The following TAFA5 variants were observed in gnomAD, a reference collection of about 807,000 sequenced individuals.
TAFA5 encodes the protein TAFA chemokine like family member 5, also known as chemokine-like protein TAFA-5.
A neutral mutation model predicts 15.3 loss-of-function variants in TAFA5; 6 were observed. That is an observed-to-expected ratio of 0.39 (90% CI 0.21 to 0.77). The LOEUF (loss-of-function observed/expected upper bound fraction) is 0.77. Ranked by LOEUF, TAFA5 falls within the 30% of genes least tolerant of loss-of-function variation. The pLI is 0.41. For missense variants in TAFA5, 161 were observed against 193.1 expected (o/e 0.83, Z 0.98); for synonymous variants, 103 against 80.7 (o/e 1.28, Z -1.48).
rs1601834042 is a variant in TAFA5 at position 48,497,439 on chromosome 22, A to C, written c.112+7735A>C. Among the ~76,000 whole-genome samples, 3 of 151,962 alleles carry C rather than the reference A, an allele frequency of 2.0e-5. No homozygotes were observed. The South Asian group carries it at 6.3e-4, about 32-fold the overall frequency. ...GCCTCAGCGCAGCCAAGAAGCTTGA[A>C]AGACAAGACTGGAGTGTCCAGTGGC... On this transcript the variant is annotated intron_variant, in intron 1 of 3. Transcript: ENST00000402357.
chr22:48,493,469 A>G (rs1928224227), intron 1 of TAFA5, among the ~76,000 whole-genome samples: 1 of 152,226 alleles, frequency 6.6e-6, no homozygotes, highest in African/African-American at 2.4e-5. Context: ...AATACAATTT[A>G]TTGCATATTT....
At chr22:48,594,781 C>T (rs764959478) in intron 1 of TAFA5, among the ~76,000 whole-genome samples, 3 of 152,182 alleles carry the variant, frequency 2.0e-5, no homozygotes, top group African/African-American at 4.8e-5. Flanking sequence ...TGCAGACAGA[C>T]GGATGGGCGT....
At chr22:48,676,676 C>T (rs899987461) in intron 2 of TAFA5, among the ~76,000 whole-genome samples, 1 of 152,228 alleles carries the variant, frequency 6.6e-6, no homozygotes, top group Non-Finnish European at 1.5e-5. Flanking sequence ...CACCCTCTCC[C>T]CAGCCAGTGT....
rs554641965 is a variant in TAFA5, at chr22:48,566,780, C to T, written c.112+77076C>T. On this transcript the variant is annotated intron_variant, in intron 1 of 3. Transcript: ENST00000402357. This position sits in a 1 kb window ranked among gnomAD's most constrained non-coding sequence, Gnocchi z 4.5. ...GAACCCAGCCCCTGATCATGCTCTC[C>T]TCCTTTTGCCTGTGTCCTCCTTGGA... 2.0e-5 allele frequency among the ~76,000 whole-genome samples: 3 copies of T among 152,308 alleles called. No homozygotes were observed. The highest frequency in any genetic ancestry group is 1.9e-4 in the East Asian group (1 of 5,184).
At chr22:48,740,347 C>T (rs904289133) in intron 3 of TAFA5, among the ~76,000 whole-genome samples, 8 of 152,186 alleles carry the variant, frequency 5.3e-5, no homozygotes, top group Non-Finnish European at 1.0e-4. Context: ...GCATTGGCTG[C>T]GTGGCTCTGA....
intron 2 of TAFA5, among the ~76,000 whole-genome samples, chr22:48,707,161 A>G (rs1929104109): frequency 6.8e-6 from 1 of 147,784 alleles, no homozygotes; most frequent in Non-Finnish European, 1.5e-5. Context: ...GCATCTGCAG[A>G]TGAGACGAGG....
chr22:48,744,028 G>A (rs548642623), intron 3 of TAFA5, among the ~76,000 whole-genome samples: 13 of 152,304 alleles, frequency 8.5e-5, no homozygotes, highest in African/African-American at 3.1e-4. Context: ...GTTTGCCGTC[G>A]GGGAAGCTCC....
At chr22:48,519,926 A>T (rs559860244) in intron 1 of TAFA5, among the ~76,000 whole-genome samples, 9 of 152,218 alleles carry the variant, frequency 5.9e-5, no homozygotes, top group African/African-American at 2.2e-4. Flanking sequence ...GAACCTCAGA[A>T]TGTGACTTTA....
At chr22:48,613,926 G>A (rs368440769) in intron 1 of TAFA5, among the ~76,000 whole-genome samples, 5 of 152,178 alleles carry the variant, frequency 3.3e-5, no homozygotes, top group South Asian at 2.1e-4. Flanking sequence ...GAGATTGGCC[G>A]GTGGCCCTCA....
chr22:48,741,082 GACTCTGGGTGTTCCCACC>G (rs1306756242), intron 3 of TAFA5, among the ~76,000 whole-genome samples: 1 of 152,212 alleles, frequency 6.6e-6, no homozygotes, highest in South Asian at 2.1e-4. Context: ...TGTTGTGTTG[GACTCTGGGTGTTCCCACC>G]ACCCTGGCTG....
chr22:48,622,525 G>C (rs1472812334), intron 1 of TAFA5, among the ~76,000 whole-genome samples: 2 of 152,350 alleles, frequency 1.3e-5, no homozygotes, highest in East Asian at 3.9e-4. Flanking sequence ...GCTGGGCTTG[G>C]TGTCGGGAGG....
intron 2 of TAFA5, among the ~76,000 whole-genome samples, chr22:48,707,248 C>T (rs1267059880): frequency 3.3e-5 from 5 of 152,192 alleles, no homozygotes; most frequent in Non-Finnish European, 5.9e-5. Context: ...CATCTCCAGC[C>T]TGGCCTCACT....
At chr22:48,680,948 T>C (rs930592390) in intron 2 of TAFA5, among the ~76,000 whole-genome samples, 26 of 152,314 alleles carry the variant, frequency 1.7e-4, no homozygotes, top group African/African-American at 6.3e-4. Flanking sequence ...CAACCTGCGC[T>C]CCCACCACGG....
At chr22:48,545,281 A>G (rs1922623105) in intron 1 of TAFA5, 1 of 247,692 alleles carries the variant, frequency 4.0e-6, no homozygotes, top group Non-Finnish European at 8.1e-6. Flanking sequence ...TCCCTGGCAC[A>G]GTGTTCCTGG....
At chr22:48,636,893 G>A (rs1926469554) in intron 1 of TAFA5, among the ~76,000 whole-genome samples, 8 of 152,238 alleles carry the variant, frequency 5.3e-5, no homozygotes, top group Admixed American at 5.2e-4. Flanking sequence ...GCAGAGTGTA[G>A]TCCAGCTGGA....
chr22:48,646,945 C>T (rs1926890424), intron 2 of TAFA5, among the ~76,000 whole-genome samples, 199 bp downstream of exon 2: 1 of 152,142 alleles, frequency 6.6e-6, no homozygotes, highest in Admixed American at 6.5e-5. Flanking sequence ...GTGCAGTCTC[C>T]AGTTCCTGGG....
At chr22:48,534,717 C>G (rs956917230) in intron 1 of TAFA5, among the ~76,000 whole-genome samples, 1 of 152,194 alleles carries the variant, frequency 6.6e-6, no homozygotes, top group Non-Finnish European at 1.5e-5. Flanking sequence ...CTGTCCTTTA[C>G]CCTGGAACGG....
chr22:48,583,104 C>CCACACGCCACACACACAT (rs1413285619), intron 1 of TAFA5, among the ~76,000 whole-genome samples: 2 of 149,712 alleles, frequency 1.3e-5, no homozygotes, highest in Non-Finnish European at 3.0e-5. Context: ...ACAAAATACA[C>CCACACGCCACACACACAT]CACACGCCAC....
chr22:48,593,561 G>A (rs73173427), intron 1 of TAFA5, among the ~76,000 whole-genome samples: 13 of 152,306 alleles, frequency 8.5e-5, no homozygotes, highest in Non-Finnish European at 1.9e-4. Flanking sequence ...CTAGTGCCAA[G>A]TTGAGAGAAA....
Sources: gnomAD v4.1 joint callset for allele counts (sites outside exome capture counted in the v4.1 genomes callset) on GRCh38, gnomAD v4.1.1 for gene constraint, Gnocchi (gnomAD v3.1) non-coding constraint, MANE v1.5 for transcripts, NCBI Gene and HGNC (gene_info 2026-07-23, HGNC 2026-07-21) for gene names.